Variants in CLCN7 observed in about 807,000 individuals in gnomAD.
CLCN7 encodes the protein H(+)/Cl(-) exchange transporter 7.
CLCN7 carries 60 observed loss-of-function variants against 102.1 expected under a neutral mutation model. The observed-to-expected ratio is 0.59, with a 90% CI of 0.48 to 0.73. The LOEUF (loss-of-function observed/expected upper bound fraction) is 0.73. Among genes scored for constraint, CLCN7 ranks in the 30% least tolerant of loss-of-function variants. The pLI is 0.00. For missense variants in CLCN7, 962 were observed against 1,125.7 expected (o/e 0.85, Z 2.08); for synonymous variants, 560 against 490.5 (o/e 1.14, Z -1.87).
intron 1 of CLCN7, among the ~76,000 whole-genome samples, chr16:1,469,593 G>A (rs1416207173): frequency 6.6e-6 from 1 of 152,176 alleles, no homozygotes; most frequent in Non-Finnish European, 1.5e-5. Context: ...GGCTGAGGCA[G>A]GAGAATCACT....
At chr16:1,452,352 G>A (rs1384700468) in intron 15 of CLCN7, 2 of 267,990 alleles carry the variant, frequency 7.5e-6, no homozygotes, top group Non-Finnish European at 7.3e-6. Flanking sequence ...TGCTTTCCAG[G>A]GCAACCGTGT....
intron 1 of CLCN7, among the ~76,000 whole-genome samples, chr16:1,473,571 C>T (rs2039108568): frequency 6.6e-6 from 1 of 150,734 alleles, no homozygotes; most frequent in African/African-American, 2.4e-5. Flanking sequence ...GACGGGGTTT[C>T]ACCATATTAG....
chr16:1,460,916 G>C lies in CLCN7; in HGVS notation c.384C>G (p.Val128=), dbSNP rs2038925769. ...AFRTVEIKRW[V]ICALIGILTG... is the part of the protein sequence containing the mutation. ...TGAGGATCCCAATGAGGGCGCAGAT[G>C]ACCCAGCGCTTGATCTCCACCGTCC... The change falls in exon 5 of 25, where the codon GTC becomes GTG. Residue 128 remains valine (V), a synonymous_variant. Coordinates refer to ENST00000382745, the MANE Select transcript of CLCN7 (RefSeq NM_001287.6). 1 of 1,613,748 alleles carries C rather than the reference G, an allele frequency of 6.2e-7. No homozygotes were observed. The highest frequency in any genetic ancestry group is 1.3e-5 in the African/African-American group (1 of 74,948).
chr16:1,461,295 A>T, intron 4 of CLCN7, 110 bp downstream of exon 4: 1 of 945,828 alleles, frequency 1.1e-6, no homozygotes, highest in Non-Finnish European at 1.6e-6. Context: ...GCGGAGTCAG[A>T]GGAGGAGGGA....
intron 3 of CLCN7, 51 bp from the exon 4 acceptor site, chr16:1,461,521 G>A: frequency 3.1e-6 from 5 of 1,605,066 alleles, no homozygotes; most frequent in Non-Finnish European, 4.3e-6. Context: ...CCACGCTCTG[G>A]GTGCGGGCAC....
intron 6 of CLCN7, 52 bp downstream of exon 6, chr16:1,460,366 G>C: frequency 7.4e-7 from 1 of 1,345,682 alleles, no homozygotes; most frequent in Non-Finnish European, 1.1e-6. Flanking sequence ...CATTCACCAA[G>C]ACCCCCAATC....
Position 1,461,733 on chromosome 16 carries a change from C to T in CLCN7, c.214-59G>A. 2.1e-6 allele frequency: 3 copies of T among 1,406,488 alleles called. No homozygotes were observed. The South Asian group carries it at 3.5e-5, about 17-fold the overall frequency. The allele number at this position is 1,406,488 out of a possible 1,614,324, so 87.1% of individuals were successfully genotyped here. ...TTGACAAGGCCACAAGGAGAGAGGC[C>T]CCTCTCAGCTCACACACGAGGCCAT... On this transcript the variant is annotated intron_variant, in intron 2 of 24. Coordinates refer to ENST00000382745, the MANE Select transcript of CLCN7 (RefSeq NM_001287.6).
In CLCN7 at chr16:1,459,166, T is replaced by C. The variant is rs750362202; in HGVS notation, c.616A>G (p.Ile206Val). 4 of 1,613,094 alleles carry C rather than the reference T, an allele frequency of 2.5e-6. No individual in the cohort carries two copies. Among genetic ancestry groups the C allele is most frequent in the African/African-American group, 1.3e-5 (1 of 74,924 alleles). Reference protein sequence around the residue: ...FIEPVAAGSGIPQIKCFLNGV... With the variant: ...FIEPVAAGSGVPQIKCFLNGV... ...TTGAGGAAGCACTTGATCTGGGGGA[T>C]TCCGCTGCCAGCAGCCACCGGCTGA... The change falls in exon 7 of 25, where the codon ATC becomes GTC. Residue 206 changes from isoleucine to valine, a missense_variant. This residue lies in a region of CLCN7 where 799 missense variants were observed against 988.0 expected (regional missense o/e 0.81). Coordinates refer to ENST00000382745, the MANE Select transcript of CLCN7 (RefSeq NM_001287.6).
Position 1,452,812 on chromosome 16 carries a change from G to A in CLCN7, c.1296C>T (p.Ile432=). The change falls in exon 15 of 25, where the codon ATC becomes ATT. Residue 432 remains isoleucine, a synonymous_variant. Transcript: ENST00000382745. ...GGGGCTGGCAATCCCGCGACGAGTA[G>A]ATCAGCACGAAGGCAACTGTGGCCG... ...AVTATVAFVL[I]YSSRDCQPLQ... 1 of 1,605,208 alleles carries A rather than the reference G, an allele frequency of 6.2e-7. No individual in the cohort carries two copies. Among genetic ancestry groups the A allele is most frequent in the Non-Finnish European group, 8.5e-7 (1 of 1,176,400 alleles).
chr16:1,460,302 C>T (rs983355397), intron 6 of CLCN7, 116 bp downstream of exon 6: 108 of 773,996 alleles, frequency 1.4e-4, no homozygotes, highest in Non-Finnish European at 2.1e-4. Flanking sequence ...TAAAAGTGCC[C>T]GGGTTGTCAG....
At chr16:1,451,399 T>C (rs1228002095) in intron 16 of CLCN7, among the ~76,000 whole-genome samples, 1 of 152,196 alleles carries the variant, frequency 6.6e-6, no homozygotes, top group Non-Finnish European at 1.5e-5. Context: ...AGACAGAGTC[T>C]CGCTAAGTTG....
At chr16:1,462,683 A>AAAAAAAAAAAAAAAAAAAAAC (rs1471363912) in intron 2 of CLCN7, among the ~76,000 whole-genome samples, 1 of 150,956 alleles carries the variant, frequency 6.6e-6, no homozygotes, top group African/African-American at 2.5e-5. Context: ...AAAAAAAAAA[A>AAAAAAAAAAAAAAAAAAAAAC]AAAACCAGGC....
chr16:1,446,285 C>A lies in CLCN7; in HGVS notation c.*346G>T, dbSNP rs761166293. ...AAGGGCTCTGTCTCACGCACACGGG[C>A]ACAGGCACGCAGGTGCCGGCCCTGC... On this transcript the variant is annotated 3_prime_UTR_variant, in exon 25 of 25. Coordinates refer to ENST00000382745, the MANE Select transcript of CLCN7 (RefSeq NM_001287.6). 5.7e-6 allele frequency: 4 copies of A among 696,758 alleles called. No individual in the cohort carries two copies. Among genetic ancestry groups the A allele is most frequent in the Non-Finnish European group, 1.0e-5 (4 of 382,600 alleles). 43.2% of individuals were successfully genotyped at this position (696,758 alleles called of 1,614,324 possible).
intron 1 of CLCN7, among the ~76,000 whole-genome samples, 166 bp from the exon 2 acceptor site, chr16:1,465,504 G>A (rs904691334): frequency 2.0e-5 from 3 of 152,082 alleles, no homozygotes; most frequent in African/African-American, 7.2e-5. Flanking sequence ...GCTGGGACGG[G>A]CCTCCCTGGG....
At chr16:1,453,264 C>G (rs973977131) in intron 14 of CLCN7, among the ~76,000 whole-genome samples, 1 of 152,068 alleles carries the variant, frequency 6.6e-6, no homozygotes, top group South Asian at 2.1e-4. Flanking sequence ...CCACCCGCCT[C>G]GGCCTCCCAA....
rs2038845148 is a variant in CLCN7, at chr16:1,457,011, C to T, written c.822+243G>A. ...CTGAGAAGCCGCTTGGAGCCACAGA[C>T]CCTCCCACGGGAAACACTGATGCAC... On this transcript the variant is annotated intron_variant, in intron 9 of 24. Coordinates refer to ENST00000382745, the MANE Select transcript of CLCN7 (RefSeq NM_001287.6). This position sits in a 1 kb window ranked among gnomAD's most constrained non-coding sequence, Gnocchi z 5.4. 6.6e-6 allele frequency among the ~76,000 whole-genome samples: 1 copy of T among 152,138 alleles called. No individual in the cohort carries two copies. Among genetic ancestry groups the T allele is most frequent in the African/African-American group, 2.4e-5 (1 of 41,440 alleles).
chr16:1,448,412 G>A lies in CLCN7; in HGVS notation c.1956C>T (p.Ser652=), dbSNP rs111664844. 57 of 1,612,574 alleles carry A rather than the reference G, an allele frequency of 3.5e-5. No homozygotes were observed. The African/African-American group carries it at 4.7e-4, about 13-fold the overall frequency. ...EKVGVIVDVL[S]DTASNHNGFP... ...AGCCGTTGTGATTGGACGCCGTGTC[G>A]CTCAGCACGTCCACAATGACGCCGA... Residue 652 remains serine, a synonymous_variant, in exon 21 of 25, where the codon AGC becomes AGT. Coordinates refer to ENST00000382745, the MANE Select transcript of CLCN7 (RefSeq NM_001287.6).
rs781106093 is a variant in CLCN7, at chr16:1,451,716, G to A, written c.1354C>T (p.Leu452Phe). ...QGGSMSYPLQ[L>F]FCADGEYNSM... ...TTGTACTCGCCATCTGCACAAAAGA[G>A]CTGTGGGGTCGGGAGAGAGCACACG... Residue 452 changes from leucine (L) to phenylalanine (F), a missense_variant and splice_region_variant, in exon 16 of 25, where the codon CTC becomes TTC. This residue lies in a region of CLCN7 where 799 missense variants were observed against 988.0 expected (regional missense o/e 0.81). Transcript: ENST00000382745. 1.2e-6 allele frequency: 2 copies of A among 1,612,058 alleles called. No homozygotes were observed. Among genetic ancestry groups the A allele is most frequent in the African/African-American group, 1.3e-5 (1 of 74,922 alleles).
intron 1 of CLCN7, 138 bp downstream of exon 1, chr16:1,474,696 G>A: frequency 1.3e-6 from 1 of 742,832 alleles, no homozygotes; most frequent in Non-Finnish European, 1.8e-6. Context: ...GAGGAGCCCC[G>A]GGGCGCGTTC....
Sources: gnomAD v4.1 joint callset for allele counts (sites outside exome capture counted in the v4.1 genomes callset) on GRCh38, gnomAD v4.1.1 for gene constraint, gnomAD v4.1.1 regional missense constraint, Gnocchi (gnomAD v3.1) non-coding constraint, MANE v1.5 for transcripts, NCBI Gene and HGNC (gene_info 2026-07-23, HGNC 2026-07-21) for gene names.